Variants in ZCCHC7 observed in about 807,000 individuals in gnomAD.
The protein encoded by ZCCHC7 is zinc finger CCHC-type containing 7.
Under a neutral mutation model 52.0 loss-of-function variants are expected in ZCCHC7, and 35 were observed. The ratio of observed to expected loss-of-function variants is 0.67; its 90% confidence interval spans 0.51 to 0.89. ZCCHC7 has a LOEUF of 0.89. ZCCHC7 is among the 40% of genes least tolerant of loss of function. ZCCHC7 has a pLI of 0.00. For missense variants in ZCCHC7, 574 were observed against 649.1 expected, an observed-to-expected ratio of 0.88 and a Z score of 1.26; for synonymous variants, 217 against 221.5, an observed-to-expected ratio of 0.98 and a Z score of 0.18.
At chr9:37,266,230 A>T (rs1348404967) in intron 2 of ZCCHC7, among the ~76,000 whole-genome samples, 1 of 152,242 alleles carries the variant, frequency 6.6e-6, no homozygotes, top group Admixed American at 6.5e-5. Flanking sequence ...AAGTTTAGTT[A>T]CCATATTAAA....
intron 2 of ZCCHC7, among the ~76,000 whole-genome samples, chr9:37,221,585 G>C (rs1041666690): frequency 1.3e-5 from 2 of 152,096 alleles, no homozygotes; most frequent in African/African-American, 4.8e-5. Context: ...TTTGATTTGA[G>C]GCATTGGTTG....
At chr9:37,281,502 G>T (rs778646138) in intron 2 of ZCCHC7, among the ~76,000 whole-genome samples, 16 of 152,042 alleles carry the variant, frequency 1.1e-4, no homozygotes, top group African/African-American at 3.9e-4. Context: ...TCTCCACTTC[G>T]TATATAGTGT....
chr9:37,171,819 C>T (rs1821745457), intron 2 of ZCCHC7, among the ~76,000 whole-genome samples: 1 of 152,170 alleles, frequency 6.6e-6, no homozygotes, highest in Admixed American at 6.5e-5. Flanking sequence ...CTTATAATGA[C>T]TTAACATGGT....
At chr9:37,329,759 T>C (rs1238385791) in intron 6 of ZCCHC7, among the ~76,000 whole-genome samples, 1 of 151,888 alleles carries the variant, frequency 6.6e-6, no homozygotes, top group African/African-American at 2.4e-5. Flanking sequence ...TCAGCTCTTT[T>C]ACTAGGCGAT....
chr9:37,348,900 C>T (rs990785325), intron 6 of ZCCHC7, among the ~76,000 whole-genome samples: 1 of 152,210 alleles, frequency 6.6e-6, no homozygotes. Flanking sequence ...TTGATTTACA[C>T]CTAATTTGAG....
chr9:37,208,707 C>G lies in ZCCHC7; in HGVS notation c.610+81765C>G, dbSNP rs190197195. Among the ~76,000 whole-genome samples the G allele has an allele frequency of 2.0e-5, 3 of 152,342 alleles. No homozygotes were observed. In the East Asian group the frequency reaches 5.8e-4, roughly 29 times the overall value. ...AACCTGGTTACTTCTTACCCATCTA[C>G]TCTGCCATCACTTTGTTCCAATTCA... is the stretch of plus-strand genomic sequence containing the variant. On this transcript the variant is annotated intron_variant, in intron 2 of 8. Transcript: ENST00000336755.
At chr9:37,207,383 C>G (rs1339394657) in intron 2 of ZCCHC7, among the ~76,000 whole-genome samples, 1 of 151,236 alleles carries the variant, frequency 6.6e-6, no homozygotes, top group Non-Finnish European at 1.5e-5. Context: ...TCTCTGCCTT[C>G]TTTCAAGATT....
chr9:37,241,829 A>C (rs1825886239), intron 2 of ZCCHC7, among the ~76,000 whole-genome samples: 1 of 151,690 alleles, frequency 6.6e-6, no homozygotes, highest in Non-Finnish European at 1.5e-5. Flanking sequence ...TAACCCCCCA[A>C]ATAACTCCCA....
At chr9:37,347,597 G>C (rs1225722331) in intron 6 of ZCCHC7, among the ~76,000 whole-genome samples, 1 of 152,058 alleles carries the variant, frequency 6.6e-6, no homozygotes, top group Non-Finnish European at 1.5e-5. Flanking sequence ...CCAATATCCT[G>C]TGTGCTGTTT....
intron 2 of ZCCHC7, among the ~76,000 whole-genome samples, chr9:37,178,725 A>C (rs970885348): frequency 2.0e-5 from 3 of 152,210 alleles, no homozygotes; most frequent in Non-Finnish European, 4.4e-5. Context: ...AGTGAAAGTA[A>C]ATTTTGGGTT....
At chr9:37,338,178 A>G (rs558875335) in intron 6 of ZCCHC7, among the ~76,000 whole-genome samples, 1 of 152,118 alleles carries the variant, frequency 6.6e-6, no homozygotes, top group East Asian at 1.9e-4. Context: ...AGTTGTTTTG[A>G]TAGGGGGAGT....
chr9:37,261,002 TGAAG>T (rs1826840386), intron 2 of ZCCHC7, among the ~76,000 whole-genome samples: 1 of 152,332 alleles, frequency 6.6e-6, no homozygotes, highest in Non-Finnish European at 1.5e-5. Context: ...GTTTTTTGGT[TGAAG>T]GAAAGGGATC....
intron 2 of ZCCHC7, among the ~76,000 whole-genome samples, chr9:37,181,062 A>G (rs1340343840): frequency 1.3e-5 from 2 of 152,178 alleles, no homozygotes; most frequent in East Asian, 1.9e-4. Context: ...GGTATGTTCT[A>G]TGCTTTAATT....
chr9:37,285,455 T>C (rs1220881412), intron 2 of ZCCHC7, among the ~76,000 whole-genome samples: 1 of 152,182 alleles, frequency 6.6e-6, no homozygotes, highest in Non-Finnish European at 1.5e-5. Flanking sequence ...TCTATTCTTC[T>C]TCGTCTCTTA....
chr9:37,184,115 A>G (rs1329285622), intron 2 of ZCCHC7, among the ~76,000 whole-genome samples: 1 of 152,218 alleles, frequency 6.6e-6, no homozygotes, highest in African/African-American at 2.4e-5. Flanking sequence ...TATTATGCTG[A>G]CATTCACACT....
intron 6 of ZCCHC7, among the ~76,000 whole-genome samples, chr9:37,343,360 A>G (rs1820756819): frequency 6.6e-6 from 1 of 152,220 alleles, no homozygotes; most frequent in African/African-American, 2.4e-5. Context: ...TTAGTAGAAA[A>G]TATGTATTTG....
At chr9:37,280,047 A>G (rs1057461282) in intron 2 of ZCCHC7, among the ~76,000 whole-genome samples, 4 of 152,102 alleles carry the variant, frequency 2.6e-5, no homozygotes, top group Non-Finnish European at 5.9e-5. Context: ...AGGCTGAGGC[A>G]GGAGAATGGC....
At chr9:37,303,855 G>T (rs1829165058) in intron 3 of ZCCHC7, among the ~76,000 whole-genome samples, 1 of 151,526 alleles carries the variant, frequency 6.6e-6, no homozygotes, top group Non-Finnish European at 1.5e-5. Context: ...TAGAGATGGG[G>T]TTTCTCCATG....
At chr9:37,191,645 T>C (rs1372176255) in intron 2 of ZCCHC7, among the ~76,000 whole-genome samples, 1 of 152,170 alleles carries the variant, frequency 6.6e-6, no homozygotes, top group African/African-American at 2.4e-5. Context: ...TTAATAACCA[T>C]TTAAATTAAT....
Sources: allele counts gnomAD v4.1 joint callset (sites outside exome capture counted in the v4.1 genomes callset), GRCh38; gene constraint gnomAD v4.1.1; transcripts MANE v1.5; gene names NCBI Gene and HGNC (gene_info 2026-07-23, HGNC 2026-07-21).